Variants in AHCYL2 observed in about 807,000 individuals in gnomAD.
The protein encoded by AHCYL2 is adenosylhomocysteinase like 2, also known as S-adenosylhomocysteine hydrolase-like protein 2.
Under a neutral mutation model 81.4 loss-of-function variants are expected in AHCYL2, and 28 were observed. The ratio of observed to expected loss-of-function variants is 0.34; its 90% CI spans 0.25 to 0.47. The LOEUF (loss-of-function observed/expected upper bound fraction) is 0.47. AHCYL2 is among the 20% of genes least tolerant of loss of function. The probability of loss-of-function intolerance (pLI) is 1.00; values close to 1 mark genes in which losing one functional copy is unlikely to be tolerated. For synonymous variants in AHCYL2, 272 were observed against 290.2 expected (o/e 0.94, Z 0.64); for missense variants, 551 against 785.1 (o/e 0.70, Z 3.56).
chr7:129,267,729 C>T (rs1268802565), intron 1 of AHCYL2, among the ~76,000 whole-genome samples: 2 of 152,006 alleles, frequency 1.3e-5, no homozygotes, highest in Admixed American at 1.3e-4. Context: ...AGGATAAGGA[C>T]CTGACCCTAA....
intron 1 of AHCYL2, among the ~76,000 whole-genome samples, chr7:129,370,613 GC>G (rs1563216743): frequency 3.3e-5 from 5 of 152,212 alleles, no homozygotes; most frequent in African/African-American, 1.2e-4. Context: ...CAGGAGAATA[GC>G]ATGAACCCGG....
At position 129,427,269 on chromosome 7, in the gene AHCYL2, G is replaced by A. The variant is rs1372738921; in HGVS notation, c.*224G>A. The A allele has an allele frequency of 1.2e-5, 6 of 494,562 alleles. No homozygotes were observed. Among genetic ancestry groups the A allele is most frequent in the Non-Finnish European group, 1.4e-5 (4 of 279,352 alleles). The allele number at this position is 494,562 out of a possible 1,614,324, so 30.6% of individuals were successfully genotyped here. ...AGGGCCATGAAAGCCACAGAGGATG[G>A]GCTGAGGAAGGAAAGAAATGGGGTT... is the stretch of plus-strand genomic sequence containing the variant. On this transcript the variant is annotated 3_prime_UTR_variant, in exon 17 of 17. Coordinates refer to ENST00000325006, the MANE Select transcript of AHCYL2 (RefSeq NM_015328.4). The surrounding 1 kb of genome is among the most constrained non-coding windows in gnomAD (Gnocchi z 5.5).
At chr7:129,404,532 G>A (rs1796206508) in intron 7 of AHCYL2, among the ~76,000 whole-genome samples, 1 of 152,124 alleles carries the variant, frequency 6.6e-6, no homozygotes, top group Non-Finnish European at 1.5e-5. Flanking sequence ...AAAATTAGCT[G>A]AGTGTGGTGG....
chr7:129,225,257 C>T lies in AHCYL2; in HGVS notation c.181C>T (p.Pro61Ser), dbSNP rs1173050407. ...EAPAPAAERPPVPGPGSGPAA... is the reference protein window; with the variant it reads ...EAPAPAAERPSVPGPGSGPAA... ...TCCAGCTCCCGCCGCGGAGCGGCCC[C>T]CGGTCCCCGGCCCGGGCTCGGGGCC... Residue 61 changes from proline to serine, a missense_variant, in exon 1 of 17, where the codon CCG becomes TCG. Transcript: ENST00000325006. 1 of 1,458,074 alleles carries T rather than the reference C, an allele frequency of 6.9e-7. No homozygotes were observed. Among genetic ancestry groups the T allele is most frequent in the Non-Finnish European group, 9.0e-7 (1 of 1,114,388 alleles). The allele number at this position is 1,458,074 out of a possible 1,614,324, so 90.3% of individuals were successfully genotyped here. A position where few individuals can be genotyped will look rare whatever the true frequency, so the allele number is the denominator to read the frequency against.
chr7:129,333,183 C>G (rs1389849858), intron 1 of AHCYL2, among the ~76,000 whole-genome samples: 1 of 151,662 alleles, frequency 6.6e-6, no homozygotes, highest in East Asian at 1.9e-4. Flanking sequence ...AAAAGTAGTT[C>G]CAGGGGCCAG....
intron 7 of AHCYL2, among the ~76,000 whole-genome samples, 187 bp from the exon 8 acceptor site, chr7:129,404,910 G>A (rs964592944): frequency 6.6e-6 from 1 of 152,102 alleles, no homozygotes; most frequent in African/African-American, 2.4e-5. Flanking sequence ...AATCTTTATT[G>A]TGAAGCTATA....
At chr7:129,276,625 T>C (rs1796215472) in intron 1 of AHCYL2, among the ~76,000 whole-genome samples, 2 of 150,912 alleles carry the variant, frequency 1.3e-5, no homozygotes, top group Non-Finnish European at 2.9e-5. Flanking sequence ...GGTGGGCACC[T>C]GTAATCCCAG....
At chr7:129,251,278 C>A (rs893991469) in intron 1 of AHCYL2, among the ~76,000 whole-genome samples, 9 of 134,512 alleles carry the variant, frequency 6.7e-5, no homozygotes, top group African/African-American at 2.6e-4. Context: ...CCATGTGTGT[C>A]TTGTTCACTG....
At chr7:129,358,919 C>A (rs1466697659) in intron 1 of AHCYL2, among the ~76,000 whole-genome samples, 2 of 152,124 alleles carry the variant, frequency 1.3e-5, no homozygotes, top group Non-Finnish European at 2.9e-5. Context: ...GGAATATAAA[C>A]TAGAACAAGT....
intron 12 of AHCYL2, among the ~76,000 whole-genome samples, chr7:129,417,079 C>T (rs753151343): frequency 1.3e-5 from 2 of 152,062 alleles, no homozygotes; most frequent in East Asian, 1.9e-4. Flanking sequence ...GAGCCAAAAT[C>T]GTGCCAGTGC....
chr7:129,266,426 C>T (rs890883753), intron 1 of AHCYL2, among the ~76,000 whole-genome samples: 5 of 152,036 alleles, frequency 3.3e-5, no homozygotes, highest in African/African-American at 1.2e-4. Context: ...ACTCTGGAGG[C>T]TGAGTCAGGA....
chr7:129,348,106 A>G (rs548052860), intron 1 of AHCYL2, among the ~76,000 whole-genome samples: 1 of 152,252 alleles, frequency 6.6e-6, no homozygotes, highest in Non-Finnish European at 1.5e-5. Flanking sequence ...TTATACATTC[A>G]TATGTAGAAT....
intron 1 of AHCYL2, among the ~76,000 whole-genome samples, chr7:129,238,124 A>G (rs1241699468): frequency 3.9e-5 from 6 of 152,172 alleles, no homozygotes; most frequent in Non-Finnish European, 7.3e-5. Context: ...CTATCTTTCA[A>G]AGTTGACATT....
At chr7:129,287,650 A>G (rs1051181336) in intron 1 of AHCYL2, among the ~76,000 whole-genome samples, 21 of 152,242 alleles carry the variant, frequency 1.4e-4, no homozygotes, top group African/African-American at 4.6e-4. Flanking sequence ...TAATCTGGTC[A>G]TCGAATTTTA....
intron 4 of AHCYL2, among the ~76,000 whole-genome samples, chr7:129,393,623 G>C (rs1228775532): frequency 6.6e-6 from 1 of 152,096 alleles, no homozygotes; most frequent in Non-Finnish European, 1.5e-5. Flanking sequence ...TGACCAGGGA[G>C]AGCCTCTTCA....
chr7:129,330,200 C>G (rs1464590209), intron 1 of AHCYL2, among the ~76,000 whole-genome samples: 1 of 152,090 alleles, frequency 6.6e-6, no homozygotes, highest in Non-Finnish European at 1.5e-5. Context: ...TGGGTTTTCA[C>G]TATGTTGGGC....
At chr7:129,390,102 A>G (rs1795395651) in intron 4 of AHCYL2, among the ~76,000 whole-genome samples, 2 of 152,178 alleles carry the variant, frequency 1.3e-5, no homozygotes, top group African/African-American at 2.4e-5. Flanking sequence ...ATACATATAT[A>G]CCTATAATCA....
intron 1 of AHCYL2, among the ~76,000 whole-genome samples, chr7:129,343,890 A>G (rs1563204467): frequency 6.6e-6 from 1 of 152,220 alleles, no homozygotes. Flanking sequence ...TTCACAATAC[A>G]TATACAGAAA....
chr7:129,263,314 GA>G (rs1364491378), intron 1 of AHCYL2, among the ~76,000 whole-genome samples: 1 of 152,176 alleles, frequency 6.6e-6, no homozygotes, highest in Non-Finnish European at 1.5e-5. Context: ...CCATTTCTCT[GA>G]AAGTTTCTGT....
Sources: gnomAD v4.1 joint callset for allele counts (sites outside exome capture counted in the v4.1 genomes callset) on GRCh38, gnomAD v4.1.1 for gene constraint, Gnocchi (gnomAD v3.1) non-coding constraint, MANE v1.5 for transcripts, NCBI Gene and HGNC (gene_info 2026-07-23, HGNC 2026-07-21) for gene names.